LYSMD3: variants seen among roughly 807,000 people sequenced by gnomAD.
LYSMD3 encodes LysM domain containing 3, also known as lysM and putative peptidoglycan-binding domain-containing protein 3.
A neutral mutation model predicts 26.1 loss-of-function variants in LYSMD3; 13 were observed. The ratio of observed to expected loss-of-function variants is 0.50; its 90% confidence interval spans 0.32 to 0.79. The LOEUF (loss-of-function observed/expected upper bound fraction) is 0.79. Ranked by LOEUF, LYSMD3 falls within the 30% of genes least tolerant of loss-of-function variation. The probability of loss-of-function intolerance (pLI) is 0.03; values close to 1 mark genes in which losing one functional copy is unlikely to be tolerated. For synonymous variants in LYSMD3, 109 were observed against 119.4 expected (o/e 0.91, Z 0.57); for missense variants, 331 against 362.5 (o/e 0.91, Z 0.71).
At chr5:90,523,442 CAT>C (rs1022677990) in intron 2 of LYSMD3, among the ~76,000 whole-genome samples, 13 of 151,754 alleles carry the variant, frequency 8.6e-5, no homozygotes, top group Non-Finnish European at 1.6e-4. Context: ...AACTTATAGA[CAT>C]GTGTGTTCCT....
At position 90,517,447 on chromosome 5, in the gene LYSMD3, T is replaced by C. The variant is rs962210679; in HGVS notation, c.*1372A>G. 4 of 152,062 alleles carry C rather than the reference T, an allele frequency of 2.6e-5. No individual in the cohort carries two copies. Among genetic ancestry groups the C allele is most frequent in the Non-Finnish European group, 5.9e-5 (4 of 67,928 alleles). The allele number at this position is 152,062 out of a possible 1,614,324, so 9.4% of individuals were successfully genotyped here. A position where few individuals can be genotyped will look rare whatever the true frequency, so the allele number is the denominator to read the frequency against. On this transcript the variant is annotated 3_prime_UTR_variant, in exon 3 of 3. Transcript: ENST00000315948. ...GCAATCCAGACTCCACCAAATCTCA[T>C]TTCTATTGAAGAATCATTCTGGTTA... is the stretch of plus-strand genomic sequence containing the variant.
rs528982363 is a variant in LYSMD3, at chr5:90,529,481, G to A, written c.-45C>T. On this transcript the variant is annotated 5_prime_UTR_variant, in exon 1 of 3. Transcript: ENST00000315948. ...GTTAGCAGGGAGCACTCTGCGAGAA[G>A]ATGGCCAAAAGGTCCGCCGCCGCCG... The A allele has an allele frequency of 8.8e-6, 4 of 456,684 alleles. No individual in the cohort carries two copies. Among genetic ancestry groups the A allele is most frequent in the Non-Finnish European group, 1.8e-5 (4 of 226,976 alleles). 28.3% of individuals were successfully genotyped at this position (456,684 alleles called of 1,614,324 possible).
intron 2 of LYSMD3, among the ~76,000 whole-genome samples, chr5:90,520,756 T>C (rs1753070826): frequency 6.6e-6 from 1 of 151,804 alleles, no homozygotes. Context: ...CCATCTCTAC[T>C]AAAAATACAA....
chr5:90,520,344 A>T, intron 2 of LYSMD3: 1 of 454,846 alleles, frequency 2.2e-6, no homozygotes. Context: ...TCAATACTTT[A>T]AAACCTAATC....
At chr5:90,524,926 C>CA in intron 2 of LYSMD3, 109 bp downstream of exon 2, 1 of 1,096,808 alleles carries the variant, frequency 9.1e-7, no homozygotes, top group Non-Finnish European at 1.3e-6. Flanking sequence ...AAAATAAGAG[C>CA]AAAAAATGGA....
chr5:90,525,089 T>G lies in LYSMD3; in HGVS notation c.201A>C (p.Lys67Asn). The G allele has an allele frequency of 3.7e-6, 6 of 1,613,418 alleles. No homozygotes were observed. Among genetic ancestry groups the G allele is most frequent in the Non-Finnish European group, 4.2e-6 (5 of 1,179,424 alleles). ...DRLDDIIVLT[K>N]DIQEGDTLNA... ...TTAATGTATCTCCTTCTTGTATATC[T>G]TTTGTTAATACTATAATGTCGTCAA... is the stretch of plus-strand genomic sequence containing the variant. The change falls in exon 2 of 3, where the codon AAA (lysine) becomes AAC (asparagine). Residue 67 changes from lysine (K) to asparagine (N), a missense_variant. Physicochemically the swap from Lys to Asn is moderately conservative, Grantham distance 94 (BLOSUM62 0). Around this residue, in one of 3 missense-constraint regions of LYSMD3, gnomAD observed 262 missense variants for 267.3 expected, o/e 0.98. Coordinates refer to ENST00000315948, the MANE Select transcript of LYSMD3 (RefSeq NM_198273.2).
chr5:90,516,636 C>A lies in LYSMD3; in HGVS notation c.*2183G>T, dbSNP rs1752957146. The stretch of plus-strand genomic sequence containing the variant: ...CATTTCTTTCCTAAACAGATTAGAA[C>A]CATAATTCAATATGTAACCTTTATA... On this transcript the variant is annotated 3_prime_UTR_variant, in exon 3 of 3. Coordinates refer to ENST00000315948, the MANE Select transcript of LYSMD3 (RefSeq NM_198273.2). 6.6e-6 allele frequency: 1 copy of A among 152,142 alleles called. No individual in the cohort carries two copies. 9.4% of individuals were successfully genotyped at this position (152,142 alleles called of 1,614,324 possible).
chr5:90,522,166 TTA>T (rs1202582536), intron 2 of LYSMD3, among the ~76,000 whole-genome samples: 2 of 152,104 alleles, frequency 1.3e-5, no homozygotes, highest in Admixed American at 1.3e-4. Flanking sequence ...ATCTGATTGT[TTA>T]AAAGTGTGTG....
rs561441590 is a variant in LYSMD3 at position 90,521,900 on chromosome 5, G to A, written c.256-2416C>T. 4.1e-4 allele frequency among the ~76,000 whole-genome samples: 63 copies of A among 152,050 alleles called. No individual in the cohort carries two copies. The South Asian group carries it at 6.0e-3, about 15-fold the overall frequency. ...TGGAATATACCACTAGCTACTTACT[G>A]TATTTTTTAAATGATAGATCCTTTT... On this transcript the variant is annotated intron_variant, in intron 2 of 2. Transcript: ENST00000315948.
At chr5:90,525,002 T>C in intron 2 of LYSMD3, 33 bp downstream of exon 2, 1 of 1,483,638 alleles carries the variant, frequency 6.7e-7, no homozygotes, top group South Asian at 1.3e-5. Flanking sequence ...AAATAATTTC[T>C]TCTGAATTGC....
chr5:90,525,326 A>T, intron 1 of LYSMD3, 26 bp from the exon 2 acceptor site: 1 of 1,558,058 alleles, frequency 6.4e-7, no homozygotes, highest in Non-Finnish European at 8.7e-7. Context: ...AGCAGAGAAA[A>T]TTTTGGAATG....
chr5:90,519,220 A>G lies in LYSMD3; in HGVS notation c.520T>C (p.Cys174Arg), dbSNP rs1753026823. The G allele has an allele frequency of 2.5e-6, 4 of 1,613,762 alleles. No homozygotes were observed. Among genetic ancestry groups the G allele is most frequent in the Non-Finnish European group, 3.4e-6 (4 of 1,179,930 alleles). ...VDRDIEQIVK[C>R]TDNKRENLNE... ...AGGTTCTCTCTCTTATTGTCTGTAC[A>G]CTTTACTATTTGTTCTATGTCTCGG... The change falls in exon 3 of 3, where the codon TGT becomes CGT. Residue 174 changes from cysteine (C) to arginine (R), a missense_variant. By Grantham distance (180) the Cys-to-Arg change is radical (BLOSUM62 -3). Transcript: ENST00000315948.
At position 90,516,713 on chromosome 5, in the gene LYSMD3, A is replaced by C. The variant is rs1333257976; in HGVS notation, c.*2106T>G. 2.0e-5 allele frequency: 3 copies of C among 152,444 alleles called. No homozygotes were observed. The highest frequency in any genetic ancestry group is 7.2e-5 in the African/African-American group (3 of 41,450). The allele number at this position is 152,444 out of a possible 1,614,324, so 9.4% of individuals were successfully genotyped here. On this transcript the variant is annotated 3_prime_UTR_variant, in exon 3 of 3. Transcript: ENST00000315948. ...TTCAATTAATTCAAATATATAATTT[A>C]AATACAGAAAAAAGAAAACTACCTG...
Position 90,529,545 on chromosome 5 carries a change from G to A in LYSMD3, c.-109C>T. On this transcript the variant is annotated 5_prime_UTR_variant, in exon 1 of 3. Coordinates refer to ENST00000315948, the MANE Select transcript of LYSMD3 (RefSeq NM_198273.2). ...GTTCATGGCCGAGCCTCTGCTTTGG[G>A]CTGACCCCGTCCGCCTCCGCCTCTG... 1 of 456,610 alleles carries A rather than the reference G, an allele frequency of 2.2e-6. No individual in the cohort carries two copies. Among genetic ancestry groups the A allele is most frequent in the Non-Finnish European group, 4.4e-6 (1 of 226,942 alleles). 28.3% of individuals were successfully genotyped at this position (456,610 alleles called of 1,614,324 possible).
chr5:90,529,092 G>A (rs1753295766), intron 1 of LYSMD3, among the ~76,000 whole-genome samples: 1 of 152,200 alleles, frequency 6.6e-6, no homozygotes, highest in Non-Finnish European at 1.5e-5. Context: ...AGAGTCTTCT[G>A]TCACAGCATG....
chr5:90,523,007 C>G (rs1753129794), intron 2 of LYSMD3, among the ~76,000 whole-genome samples: 1 of 152,182 alleles, frequency 6.6e-6, no homozygotes, highest in South Asian at 2.1e-4. Flanking sequence ...ATCACAAACT[C>G]TCCTCTCGGA....
At chr5:90,519,552 C>A (rs936758612) in intron 2 of LYSMD3, 68 bp from the exon 3 acceptor site, 2 of 1,431,350 alleles carry the variant, frequency 1.4e-6, no homozygotes, top group Non-Finnish European at 9.4e-7. Context: ...AATAGTCATT[C>A]ATTCTAGTTA....
intron 1 of LYSMD3, chr5:90,526,820 G>T (rs1014229341): frequency 6.6e-6 from 1 of 152,142 alleles, no homozygotes; most frequent in Non-Finnish European, 1.5e-5. Context: ...AGACAAATGG[G>T]CTATATAGTC....
At chr5:90,525,328 T>C (rs1450936528) in intron 1 of LYSMD3, 28 bp from the exon 2 acceptor site, 1 of 1,557,072 alleles carries the variant, frequency 6.4e-7, no homozygotes, top group South Asian at 1.3e-5. Context: ...CAGAGAAAAT[T>C]TTGGAATGTA....
Sources: gnomAD v4.1 joint callset for allele counts (sites outside exome capture counted in the v4.1 genomes callset) on GRCh38, gnomAD v4.1.1 for gene constraint, gnomAD v4.1.1 regional missense constraint, MANE v1.5 for transcripts, NCBI Gene and HGNC (gene_info 2026-07-23, HGNC 2026-07-21) for gene names.